SLC4A10: variants seen among roughly 807,000 people sequenced by gnomAD.
SLC4A10 encodes the protein solute carrier family 4 member 10.
Under a neutral mutation model 137.7 loss-of-function variants are expected in SLC4A10, and 42 were observed. The observed-to-expected ratio is 0.30, with a 90% CI of 0.24 to 0.39. The LOEUF (loss-of-function observed/expected upper bound fraction) is 0.39, where lower values mean the gene tolerates loss of function less well. Among genes scored for constraint, SLC4A10 ranks in the 10% least tolerant of loss-of-function variants. The pLI, the probability that SLC4A10 is intolerant of heterozygous loss-of-function variation, is 1.00. For synonymous variants in SLC4A10, 474 were observed against 464.1 expected (o/e 1.02, Z -0.27); for missense variants, 925 against 1,355.0 (o/e 0.68, Z 4.98).
At chr2:161,857,865 AT>A (rs533716322) in intron 5 of SLC4A10, among the ~76,000 whole-genome samples, 5 of 152,120 alleles carry the variant, frequency 3.3e-5, no homozygotes, top group Non-Finnish European at 5.9e-5. Context: ...AATAAAAATA[AT>A]TTTTTTATTA....
At chr2:161,661,884 T>C (rs2038455053) in intron 1 of SLC4A10, among the ~76,000 whole-genome samples, 1 of 152,174 alleles carries the variant, frequency 6.6e-6, no homozygotes. Flanking sequence ...TTAGGCTACC[T>C]TACTTCAGAT....
chr2:161,830,379 A>G lies in SLC4A10; in HGVS notation c.278-9410A>G, dbSNP rs1392000045. ...CAATTTTTCCATCCATTTTCATAACATGCCAGTGTTATATTTAGTTTAATA... is the reference window on the plus strand; with the variant it reads ...CAATTTTTCCATCCATTTTCATAACGTGCCAGTGTTATATTTAGTTTAATA... On this transcript the variant is annotated intron_variant, in intron 3 of 26. Transcript: ENST00000446997. 2.6e-5 allele frequency among the ~76,000 whole-genome samples: 4 copies of G among 152,170 alleles called. No homozygotes were observed. The East Asian group carries it at 7.7e-4, about 29-fold the overall frequency.
At chr2:161,968,296 C>T (rs1400292838) in intron 23 of SLC4A10, among the ~76,000 whole-genome samples, 1 of 152,094 alleles carries the variant, frequency 6.6e-6, no homozygotes, top group African/African-American at 2.4e-5. Flanking sequence ...GCCATATGCC[C>T]ATTTTGGAAT....
chr2:161,748,460 G>C (rs1461737549), intron 1 of SLC4A10, among the ~76,000 whole-genome samples: 1 of 151,814 alleles, frequency 6.6e-6, no homozygotes, highest in Non-Finnish European at 1.5e-5. Context: ...GTGTGTGTGT[G>C]TGTGTGTGTG....
chr2:161,766,290 A>G (rs1027334274), intron 1 of SLC4A10, among the ~76,000 whole-genome samples: 3 of 152,140 alleles, frequency 2.0e-5, no homozygotes, highest in East Asian at 1.9e-4. Flanking sequence ...CACTCTCAGT[A>G]TCTTTCCAAC....
chr2:161,650,356 A>T (rs2036617310), intron 1 of SLC4A10, among the ~76,000 whole-genome samples: 1 of 152,258 alleles, frequency 6.6e-6, no homozygotes, highest in Non-Finnish European at 1.5e-5. Flanking sequence ...CATGATAATG[A>T]TGGCAGCAGT....
chr2:161,691,529 A>G (rs1282515219), intron 1 of SLC4A10, among the ~76,000 whole-genome samples: 2 of 152,152 alleles, frequency 1.3e-5, no homozygotes, highest in Non-Finnish European at 2.9e-5. Flanking sequence ...ATTTTCTATA[A>G]TGTTATTATG....
intron 1 of SLC4A10, among the ~76,000 whole-genome samples, chr2:161,713,978 T>A (rs1379132264): frequency 2.0e-5 from 3 of 149,800 alleles, no homozygotes; most frequent in African/African-American, 7.4e-5. Context: ...TGTGAAAAAA[T>A]TGGAACTTAT....
At chr2:161,732,975 C>G (rs2046964594) in intron 1 of SLC4A10, among the ~76,000 whole-genome samples, 1 of 152,098 alleles carries the variant, frequency 6.6e-6, no homozygotes, top group Non-Finnish European at 1.5e-5. Flanking sequence ...GAATAAATTT[C>G]TAAGCAGCAA....
chr2:161,973,365 A>G (rs985626506), intron 23 of SLC4A10, among the ~76,000 whole-genome samples: 2 of 152,228 alleles, frequency 1.3e-5, no homozygotes, highest in African/African-American at 4.8e-5. Context: ...TGATGATAAC[A>G]TTATTTGAAA....
chr2:161,897,925 G>GTT (rs2063684838), intron 11 of SLC4A10, among the ~76,000 whole-genome samples: 1 of 152,104 alleles, frequency 6.6e-6, no homozygotes, highest in Admixed American at 6.6e-5. Context: ...GAAGTTAAGT[G>GTT]TTTTTGAAAA....
At chr2:161,916,205 T>A (rs1422772768) in intron 15 of SLC4A10, among the ~76,000 whole-genome samples, 1 of 152,362 alleles carries the variant, frequency 6.6e-6, no homozygotes, top group South Asian at 2.1e-4. Flanking sequence ...GTTTGTATTT[T>A]AGTCCATTTA....
intron 1 of SLC4A10, among the ~76,000 whole-genome samples, chr2:161,687,296 TA>T (rs2041534729): frequency 6.6e-6 from 1 of 152,228 alleles, no homozygotes; most frequent in Non-Finnish European, 1.5e-5. Flanking sequence ...GGACATATAT[TA>T]AAATATATGC....
At chr2:161,973,280 C>T (rs1698860208) in intron 23 of SLC4A10, among the ~76,000 whole-genome samples, 1 of 152,076 alleles carries the variant, frequency 6.6e-6, no homozygotes, top group Non-Finnish European at 1.5e-5. Context: ...TGAACTGACC[C>T]ATTTTTAAAT....
chr2:161,686,269 T>C (rs1320017620), intron 1 of SLC4A10, among the ~76,000 whole-genome samples: 1 of 152,236 alleles, frequency 6.6e-6, no homozygotes, highest in African/African-American at 2.4e-5. Flanking sequence ...CACATTGTTA[T>C]GTTCTTATGG....
chr2:161,661,690 T>C (rs1011693852), intron 1 of SLC4A10, among the ~76,000 whole-genome samples: 1 of 152,228 alleles, frequency 6.6e-6, no homozygotes, highest in Non-Finnish European at 1.5e-5. Context: ...TATGGATCTC[T>C]GAGGAATTCA....
chr2:161,680,791 A>G (rs1293402753), intron 1 of SLC4A10, among the ~76,000 whole-genome samples: 1 of 152,088 alleles, frequency 6.6e-6, no homozygotes, highest in African/African-American at 2.4e-5. Context: ...ATGAATAAGG[A>G]ATATTATTTT....
chr2:161,675,995 C>T (rs890556842), intron 1 of SLC4A10, among the ~76,000 whole-genome samples: 9 of 152,022 alleles, frequency 5.9e-5, no homozygotes, highest in East Asian at 1.9e-4. Context: ...TTTTAGTCAG[C>T]GGGGCTTGGA....
chr2:161,918,605 T>C (rs1302800933), intron 15 of SLC4A10, among the ~76,000 whole-genome samples: 2 of 152,212 alleles, frequency 1.3e-5, no homozygotes, highest in South Asian at 2.1e-4. Flanking sequence ...TTATAAAAAT[T>C]CACCACTTAT....
Sources: allele counts gnomAD v4.1 joint callset (sites outside exome capture counted in the v4.1 genomes callset), GRCh38; gene constraint gnomAD v4.1.1; transcripts MANE v1.5; gene names NCBI Gene and HGNC (gene_info 2026-07-23, HGNC 2026-07-21).